Variants in RNF17 observed in about 807,000 individuals in gnomAD.
The protein encoded by RNF17 is ring finger protein 17.
In RNF17, 31 loss-of-function variants were observed where a neutral mutation model predicts 200.5. The observed-to-expected ratio is 0.15, with a 90% CI of 0.12 to 0.21. The LOEUF (loss-of-function observed/expected upper bound fraction) is 0.21. RNF17 is among the 10% of genes least tolerant of loss of function. The pLI is 1.00. For missense variants in RNF17, 1,628 were observed against 1,905.1 expected (o/e 0.85, Z 2.71); for synonymous variants, 606 against 637.8 (o/e 0.95, Z 0.75).
chr13:24,824,325 C>A, intron 15 of RNF17: 2 of 633,572 alleles, frequency 3.2e-6, no homozygotes, highest in South Asian at 1.9e-5. Flanking sequence ...TAAATGTTCA[C>A]TCTGGCTTAC....
At chr13:24,852,663 ATT>A (rs1198871334) in intron 24 of RNF17, among the ~76,000 whole-genome samples, 1 of 152,176 alleles carries the variant, frequency 6.6e-6, no homozygotes, top group Non-Finnish European at 1.5e-5. Flanking sequence ...TGTGGCCTGG[ATT>A]GCCCGGGCTT....
At chr13:24,815,166 A>G (rs909817964) in intron 15 of RNF17, among the ~76,000 whole-genome samples, 1 of 152,214 alleles carries the variant, frequency 6.6e-6, no homozygotes, top group Non-Finnish European at 1.5e-5. Context: ...AAGTCATCTT[A>G]TCCATGAACA....
intron 35 of RNF17, 111 bp downstream of exon 35, chr13:24,879,406 C>T: frequency 1.5e-6 from 1 of 680,666 alleles, no homozygotes; most frequent in Admixed American, 2.4e-5. Flanking sequence ...GGAATGACAG[C>T]AACGCTCCAC....
intron 32 of RNF17, 71 bp downstream of exon 32, chr13:24,870,810 C>A: frequency 1.6e-6 from 2 of 1,265,800 alleles, no homozygotes; most frequent in South Asian, 1.4e-5. Flanking sequence ...GGGCTGATGA[C>A]CTTGGGCTAT....
chr13:24,867,936 G>T (rs1893810174), intron 30 of RNF17, among the ~76,000 whole-genome samples: 1 of 152,072 alleles, frequency 6.6e-6, no homozygotes. Flanking sequence ...AAGGAAAAAG[G>T]ATCTGTTCCT....
chr13:24,767,430 AG>A, intron 2 of RNF17, 64 bp downstream of exon 2: 1 of 1,152,018 alleles, frequency 8.7e-7, no homozygotes, highest in Non-Finnish European at 1.3e-6. Context: ...AAAATACTAC[AG>A]TAGTAAAACG....
downstream of RNF17, among the ~76,000 whole-genome samples, chr13:24,882,129 TATA>T (rs1953872870): frequency 1.6e-4 from 1 of 6,112 alleles, no homozygotes; most frequent in Non-Finnish European, 1.0e-3. Flanking sequence ...GATACATCTA[TATA>T]GATAGATACA....
intron 24 of RNF17, among the ~76,000 whole-genome samples, chr13:24,852,430 G>A (rs1279179576): frequency 4.6e-5 from 7 of 152,082 alleles, no homozygotes; most frequent in African/African-American, 1.2e-4. Context: ...GAGCCACCAC[G>A]CTCGGCCTCT....
At chr13:24,787,919 A>G (rs1883335034) in intron 6 of RNF17, 69 bp from the exon 7 acceptor site, 1 of 1,251,190 alleles carries the variant, frequency 8.0e-7, no homozygotes, top group Admixed American at 2.6e-5. Flanking sequence ...TCTTCAAGAT[A>G]CTATAGATCG....
chr13:24,775,374 G>A (rs955893140), intron 3 of RNF17, among the ~76,000 whole-genome samples: 20 of 152,118 alleles, frequency 1.3e-4, no homozygotes, highest in African/African-American at 2.4e-5. Context: ...CTCAGCCTTT[G>A]GAGTATCTAG....
chr13:24,799,363 G>A, intron 11 of RNF17, 32 bp from the exon 12 acceptor site: 1 of 1,529,148 alleles, frequency 6.5e-7, no homozygotes, highest in African/African-American at 1.4e-5. Context: ...ATTGATAAAT[G>A]TTTATAACGA....
rs769879512 is a variant in RNF17 at position 24,788,099 on chromosome 13, G to A, written c.723G>A (p.Met241Ile). ...AAAAAAATAATTTGAATGCAGCTATGAACATAGCAAGAGCATTACAATTAT... is the reference window on the plus strand; with the variant it reads ...AAAAAAATAATTTGAATGCAGCTATAAACATAGCAAGAGCATTACAATTAT... ...EEKKNNLNAA[M>I]NIARALQLSP... The change falls in exon 7 of 36, where the codon ATG (methionine) becomes ATA (isoleucine). Residue 241 changes from methionine (M) to isoleucine (I), a missense_variant. Physicochemically the swap from Met to Ile is conservative, Grantham distance 10. This residue lies in a region of RNF17 where 502 missense variants were observed against 501.7 expected (regional missense o/e 1.00). Coordinates refer to ENST00000255324, the MANE Select transcript of RNF17 (RefSeq NM_031277.3). The A allele has an allele frequency of 6.3e-6, 10 of 1,598,526 alleles. No homozygotes were observed. The highest frequency in any genetic ancestry group is 2.3e-5 in the South Asian group (2 of 87,534).
intron 2 of RNF17, among the ~76,000 whole-genome samples, chr13:24,774,018 C>T (rs187840462): frequency 1.6e-4 from 25 of 152,268 alleles, no homozygotes; most frequent in Middle Eastern, 3.4e-3. Context: ...AGAAAAAAGT[C>T]AACCATCAAC....
chr13:24,764,681 A>G (rs1456706668), intron 1 of RNF17, among the ~76,000 whole-genome samples: 1 of 152,244 alleles, frequency 6.6e-6, no homozygotes, highest in Non-Finnish European at 1.5e-5. Context: ...TTGTTTTGTC[A>G]TCAAGAAGGA....
intron 25 of RNF17, among the ~76,000 whole-genome samples, chr13:24,854,982 C>A (rs932981995): frequency 1.2e-4 from 18 of 152,140 alleles, no homozygotes; most frequent in African/African-American, 3.6e-4. Flanking sequence ...GATACAGCCA[C>A]TTTTCTGAAT....
intron 14 of RNF17, chr13:24,803,951 A>G (rs1003007238): frequency 2.0e-5 from 5 of 255,018 alleles, no homozygotes; most frequent in African/African-American, 1.2e-4. Flanking sequence ...CTTCCTTTAG[A>G]TCAAGTCACT....
chr13:24,781,874 G>A lies in RNF17; in HGVS notation c.541G>A (p.Glu181Lys), dbSNP rs1847419190. The A allele has an allele frequency of 6.2e-7, 1 of 1,611,560 alleles. No individual in the cohort carries two copies. The highest frequency in any genetic ancestry group is 1.7e-5 in the Admixed American group (1 of 59,632). Residue 181 changes from glutamate (E) to lysine (K), a missense_variant, in exon 6 of 36, where the codon GAG becomes AAG. By Grantham distance (56) the Glu-to-Lys change is moderately conservative. Around this residue, in one of 5 missense-constraint regions of RNF17, gnomAD observed 502 missense variants for 501.7 expected, o/e 1.00. Coordinates refer to ENST00000255324, the MANE Select transcript of RNF17 (RefSeq NM_031277.3). ...TGAACACATGCAGAAGCAAACGATA[G>A]AGGAAAGAGAAAGAGTTATAGAAGT... ...ALEHMQKQTI[E>K]ERERVIEVVE...
downstream of RNF17, among the ~76,000 whole-genome samples, chr13:24,882,085 TCTATATATATAGATA>T (rs1953868499): frequency 6.2e-5 from 1 of 16,060 alleles, no homozygotes; most frequent in African/African-American, 1.3e-4. Flanking sequence ...TATAGATACA[TCTATATATATAGATA>T]CATCTATATA....
intron 3 of RNF17, among the ~76,000 whole-genome samples, chr13:24,776,854 T>C (rs80064810): frequency 2.0e-4 from 31 of 152,208 alleles, no homozygotes; most frequent in African/African-American, 7.2e-4. Flanking sequence ...AAACTCGAGA[T>C]CTGTACTTGT....
Sources: allele counts gnomAD v4.1 joint callset (sites outside exome capture counted in the v4.1 genomes callset), GRCh38; gene constraint gnomAD v4.1.1; regional missense constraint gnomAD v4.1.1; transcripts MANE v1.5; gene names NCBI Gene and HGNC (gene_info 2026-07-23, HGNC 2026-07-21).